ANO3: variants seen among roughly 807,000 people sequenced by gnomAD.
ANO3 encodes the protein anoctamin 3, also known as anoctamin-3.
Under a neutral mutation model 144.8 loss-of-function variants are expected in ANO3, and 99 were observed. That is an observed-to-expected ratio of 0.68 (90% CI 0.58 to 0.81). The LOEUF (loss-of-function observed/expected upper bound fraction) is 0.81, where lower values mean the gene tolerates loss of function less well. Ranked by LOEUF, ANO3 falls within the 30% of genes least tolerant of loss-of-function variation. The probability of loss-of-function intolerance (pLI) is 0.00; values close to 1 mark genes in which losing one functional copy is unlikely to be tolerated. For missense variants in ANO3, 905 were observed against 1,202.2 expected, an observed-to-expected ratio of 0.75 and a Z score of 3.66; for synonymous variants, 414 against 392.6, an observed-to-expected ratio of 1.05 and a Z score of -0.64.
intron 1 of ANO3, among the ~76,000 whole-genome samples, chr11:26,251,187 C>T (rs1424649498): frequency 6.6e-6 from 1 of 152,122 alleles, no homozygotes; most frequent in Non-Finnish European, 1.5e-5. Flanking sequence ...ATTTATAAAA[C>T]ACACAAAACA....
At chr11:26,229,327 G>T (rs1471318) in intron 1 of ANO3, among the ~76,000 whole-genome samples, 5 of 152,012 alleles carry the variant, frequency 3.3e-5, no homozygotes, top group African/African-American at 1.2e-4. Flanking sequence ...GAGTCATAAG[G>T]TTGGTATGAT....
At chr11:26,575,903 C>CA (rs1222083546) in intron 14 of ANO3, among the ~76,000 whole-genome samples, 1 of 151,880 alleles carries the variant, frequency 6.6e-6, no homozygotes, top group Non-Finnish European at 1.5e-5. Flanking sequence ...CAAACAAAAA[C>CA]AAAAAAGGTA....
chr11:26,282,310 G>GT (rs780885084), intron 1 of ANO3, among the ~76,000 whole-genome samples: 19,209 of 141,510 alleles, frequency 0.14, 2,617 homozygotes, highest in African/African-American at 0.36. Context: ...CATTTTTTTT[G>GT]TTTTTTTTTT....
chr11:26,632,165 C>T (rs1852803316), intron 18 of ANO3, among the ~76,000 whole-genome samples: 1 of 150,688 alleles, frequency 6.6e-6, no homozygotes, highest in South Asian at 2.1e-4. Flanking sequence ...ACAATCCAGC[C>T]TGGGCGACAA....
intron 1 of ANO3, 41 bp downstream of exon 1, chr11:26,332,362 T>C: frequency 1.2e-6 from 2 of 1,601,324 alleles, no homozygotes; most frequent in Non-Finnish European, 1.7e-6. Context: ...CGGGCGTCAC[T>C]TCCCCCCTGC....
chr11:26,647,814 A>G lies in ANO3; in HGVS notation c.2534A>G (p.Tyr845Cys). 3 of 1,613,652 alleles carry G rather than the reference A, an allele frequency of 1.9e-6. No individual in the cohort carries two copies. The highest frequency in any genetic ancestry group is 2.5e-6 in the Non-Finnish European group (3 of 1,179,720). The change falls in exon 24 of 27, where the codon TAC becomes TGC. Residue 845 changes from tyrosine (Y) to cysteine (C), a missense_variant. Physicochemically the swap from Tyr to Cys is radical, Grantham distance 194. This residue lies in a region of ANO3 where 597 missense variants were observed against 865.1 expected (regional missense o/e 0.69). Transcript: ENST00000256737. ...SDYIPRFVYEYKYGPCANHVE... is the reference protein window; with the variant it reads ...SDYIPRFVYECKYGPCANHVE... Reference sequence around the variant, plus strand: ...TACATCCCACGTTTTGTTTATGAATACAAATATGGCCCCTGTGCAAATCAT... The same window carrying G: ...TACATCCCACGTTTTGTTTATGAATGCAAATATGGCCCCTGTGCAAATCAT...
intron 14 of ANO3, among the ~76,000 whole-genome samples, chr11:26,584,077 A>G (rs1240265081): frequency 6.6e-6 from 1 of 152,218 alleles, no homozygotes; most frequent in African/African-American, 2.4e-5. Context: ...TTCAACTAGA[A>G]TTGATCTTGA....
intron 1 of ANO3, among the ~76,000 whole-genome samples, chr11:26,191,870 G>A (rs1296074042): frequency 6.6e-6 from 1 of 151,884 alleles, no homozygotes; most frequent in African/African-American, 2.4e-5. Flanking sequence ...ATATGAAAAT[G>A]TTTACATGTC....
chr11:26,257,628 C>G (rs1221587760), intron 1 of ANO3, among the ~76,000 whole-genome samples: 1 of 151,962 alleles, frequency 6.6e-6, no homozygotes, highest in Non-Finnish European at 1.5e-5. Flanking sequence ...CCATAAAATG[C>G]AAGCTGCTAG....
intron 1 of ANO3, among the ~76,000 whole-genome samples, chr11:26,301,615 T>C (rs984663953): frequency 1.3e-5 from 2 of 152,142 alleles, no homozygotes; most frequent in Non-Finnish European, 2.9e-5. Flanking sequence ...CATTATGTTA[T>C]GTAGGGGAGT....
At chr11:26,257,803 A>G (rs988774966) in intron 1 of ANO3, among the ~76,000 whole-genome samples, 2 of 152,094 alleles carry the variant, frequency 1.3e-5, no homozygotes, top group South Asian at 2.1e-4. Flanking sequence ...TTGACAAATC[A>G]TAAAGAATAA....
chr11:26,297,181 T>TTGTGTG (rs200208606), intron 1 of ANO3, among the ~76,000 whole-genome samples: 1 of 142,238 alleles, frequency 7.0e-6, no homozygotes, highest in African/African-American at 2.8e-5. Flanking sequence ...GCATCAACCA[T>TTGTGTG]TGCGTGTGTG....
At chr11:26,312,499 A>G (rs1854523213) in intron 1 of ANO3, among the ~76,000 whole-genome samples, 1 of 152,162 alleles carries the variant, frequency 6.6e-6, no homozygotes, top group Admixed American at 6.5e-5. Flanking sequence ...CATCCTCTCC[A>G]GCACCTGTTG....
chr11:26,272,630 A>G (rs1169326614), intron 1 of ANO3, among the ~76,000 whole-genome samples: 1 of 152,186 alleles, frequency 6.6e-6, no homozygotes, highest in Non-Finnish European at 1.5e-5. Flanking sequence ...ATTTGGCTTC[A>G]AAAATGTCAA....
intron 17 of ANO3, among the ~76,000 whole-genome samples, chr11:26,599,944 G>T (rs1851743622): frequency 6.6e-6 from 1 of 151,746 alleles, no homozygotes; most frequent in African/African-American, 2.4e-5. Flanking sequence ...TGCATTTTGG[G>T]TTTATAATCT....
chr11:26,336,676 C>A (rs1855202167), intron 1 of ANO3, among the ~76,000 whole-genome samples: 1 of 152,128 alleles, frequency 6.6e-6, no homozygotes, highest in African/African-American at 2.4e-5. Flanking sequence ...CTGTTTTCAT[C>A]TCCTTTTCCC....
intron 1 of ANO3, among the ~76,000 whole-genome samples, chr11:26,402,245 A>G (rs929596188): frequency 2.0e-5 from 3 of 152,012 alleles, no homozygotes; most frequent in African/African-American, 7.2e-5. Flanking sequence ...GAACTAATTT[A>G]TACTCCACCA....
At chr11:26,654,131 G>A (rs1032807163) in intron 24 of ANO3, among the ~76,000 whole-genome samples, 2 of 152,006 alleles carry the variant, frequency 1.3e-5, no homozygotes, top group African/African-American at 2.4e-5. Context: ...CAACATCGAC[G>A]TTGCTAATAT....
intron 1 of ANO3, among the ~76,000 whole-genome samples, chr11:26,260,047 C>CATTT (rs1853150238): frequency 7.7e-6 from 1 of 129,772 alleles, no homozygotes. Context: ...TTTTAAAGTG[C>CATTT]TTTTTTTTTT....
Sources: gnomAD v4.1 joint callset for allele counts (sites outside exome capture counted in the v4.1 genomes callset) on GRCh38, gnomAD v4.1.1 for gene constraint, gnomAD v4.1.1 regional missense constraint, MANE v1.5 for transcripts, NCBI Gene and HGNC (gene_info 2026-07-23, HGNC 2026-07-21) for gene names.